The following ACTN1 variants were observed in gnomAD, a reference collection of about 807,000 sequenced individuals.
The protein encoded by ACTN1 is actinin alpha 1.
A neutral mutation model predicts 119.6 loss-of-function variants in ACTN1; 30 were observed. The observed-to-expected ratio is 0.25, with a 90% CI of 0.19 to 0.34. The LOEUF is 0.34. Among genes scored for constraint, ACTN1 ranks in the 10% least tolerant of loss-of-function variants. The probability of loss-of-function intolerance (pLI) is 1.00; values close to 1 mark genes in which losing one functional copy is unlikely to be tolerated. For missense variants in ACTN1, 764 were observed against 1,223.4 expected (o/e 0.62, Z 5.60); for synonymous variants, 429 against 472.6 (o/e 0.91, Z 1.20).
At chr14:68,964,354 C>T (rs1195224995) in intron 1 of ACTN1, among the ~76,000 whole-genome samples, 1 of 152,234 alleles carries the variant, frequency 6.6e-6, no homozygotes, top group African/African-American at 2.4e-5. Flanking sequence ...CTCAACACAG[C>T]ACGGGGACTT....
chr14:68,921,339 C>T, intron 2 of ACTN1: 1 of 500,320 alleles, frequency 2.0e-6, no homozygotes, highest in Non-Finnish European at 3.3e-6. Context: ...CTTCTTTCTT[C>T]TGCTTCTCAG....
At position 68,925,754 on chromosome 14, in the gene ACTN1, G is replaced by A. The variant is rs977268010; in HGVS notation, c.106-82C>T. The A allele has an allele frequency of 5.5e-6, 6 of 1,095,482 alleles. No individual in the cohort carries two copies. Among genetic ancestry groups the A allele is most frequent in the African/African-American group, 4.7e-5 (3 of 63,974 alleles). The allele number at this position is 1,095,482 out of a possible 1,614,324, so 67.9% of individuals were successfully genotyped here. ...GACAAGCCATTTAATGGTGCCAGGG[G>A]GTGGGAGGTGGACACCTACTCAGCA... On this transcript the variant is annotated intron_variant, in intron 1 of 21. Transcript: ENST00000394419. This position sits in a 1 kb window ranked among gnomAD's most constrained non-coding sequence, Gnocchi z 4.3.
intron 1 of ACTN1, 122 bp downstream of exon 1, chr14:68,978,830 C>T: frequency 1.7e-6 from 1 of 587,506 alleles, no homozygotes; most frequent in Non-Finnish European, 2.7e-6. Flanking sequence ...GCACCGCCCC[C>T]GCCCCCTCCC....
intron 7 of ACTN1, 58 bp downstream of exon 7, chr14:68,904,597 A>G (rs1383571877): frequency 6.5e-6 from 10 of 1,535,014 alleles, no homozygotes; most frequent in Non-Finnish European, 9.0e-6. Context: ...ACCCCTTCTT[A>G]GCCGCTGAGT....
chr14:68,882,589 G>T lies in ACTN1; in HGVS notation c.1822C>A (p.Arg608=). ...QEINGKWDHV[R]QLVPRRDQAL... ...TGGTCCCTCCGAGGCACCAGCTGCC[G>T]CACCTGGGGCAGGAACAACAAGGCG... The change falls in exon 16 of 22, where the codon CGG becomes AGG. Residue 608 remains arginine (R), a synonymous_variant. Transcript: ENST00000394419. This position sits in a 1 kb window ranked among gnomAD's most constrained non-coding sequence, Gnocchi z 4.5. The T allele has an allele frequency of 6.2e-7, 1 of 1,614,052 alleles. No homozygotes were observed. Among genetic ancestry groups the T allele is most frequent in the Non-Finnish European group, 8.5e-7 (1 of 1,179,970 alleles).
At chr14:68,928,681 A>G (rs2035051038) in intron 1 of ACTN1, among the ~76,000 whole-genome samples, 1 of 152,268 alleles carries the variant, frequency 6.6e-6, no homozygotes, top group Non-Finnish European at 1.5e-5. Context: ...AAAACTTGCC[A>G]TTTAGTAAGT....
chr14:68,948,194 C>T (rs148084495), intron 1 of ACTN1, among the ~76,000 whole-genome samples: 4 of 149,564 alleles, frequency 2.7e-5, no homozygotes, highest in African/African-American at 7.3e-5. Flanking sequence ...AGAGGCACAA[C>T]GGTGACAAAA....
chr14:68,916,113 T>G (rs2034278884), intron 3 of ACTN1, among the ~76,000 whole-genome samples: 1 of 152,218 alleles, frequency 6.6e-6, no homozygotes, highest in Non-Finnish European at 1.5e-5. Flanking sequence ...GAAAAGCAGG[T>G]AAAAAATTTC....
At chr14:68,914,479 A>T (rs4902670) in intron 3 of ACTN1, among the ~76,000 whole-genome samples, 2,995 of 152,318 alleles carry the variant, frequency 0.02, 107 homozygotes, top group African/African-American at 0.068. Flanking sequence ...TAAAAAACAA[A>T]GTTAGGCTGG....
rs1594755914 is a variant in ACTN1, at chr14:68,882,682, G to C, written c.1819-90C>G. The C allele has an allele frequency of 6.3e-7, 1 of 1,577,936 alleles. No individual in the cohort carries two copies. The highest frequency in any genetic ancestry group is 8.6e-7 in the Non-Finnish European group (1 of 1,157,274). ...GAAATGGAGGACCCAGAAGGGGAAG[G>C]GCCGGTCAGTAACAGAACAGGAGTA... is the stretch of plus-strand genomic sequence containing the variant. On this transcript the variant is annotated intron_variant, in intron 15 of 21. Coordinates refer to ENST00000394419, the MANE Select transcript of ACTN1 (RefSeq NM_001130004.2). This position sits in a 1 kb window ranked among gnomAD's most constrained non-coding sequence, Gnocchi z 4.5.
chr14:68,965,208 T>G (rs1006455902), intron 1 of ACTN1, among the ~76,000 whole-genome samples: 1 of 152,242 alleles, frequency 6.6e-6, no homozygotes, highest in African/African-American at 2.4e-5. Context: ...ACTATGGACC[T>G]CATCCCTTTA....
intron 1 of ACTN1, among the ~76,000 whole-genome samples, chr14:68,945,642 A>T (rs2035921080): frequency 6.6e-6 from 1 of 152,180 alleles, no homozygotes; most frequent in African/African-American, 2.4e-5. Context: ...AGGGAGAAGC[A>T]GGTGGATACA....
intron 11 of ACTN1, among the ~76,000 whole-genome samples, chr14:68,888,471 A>G (rs945085716): frequency 6.6e-6 from 1 of 152,142 alleles, no homozygotes; most frequent in Non-Finnish European, 1.5e-5. Context: ...CCATACACGC[A>G]CAGTGGATGT....
chr14:68,883,942 G>A (rs2031782028), intron 14 of ACTN1, among the ~76,000 whole-genome samples: 1 of 152,186 alleles, frequency 6.6e-6, no homozygotes, highest in Non-Finnish European at 1.5e-5. Flanking sequence ...GGGGCTGGAG[G>A]ATAAGGAGTC....
intron 3 of ACTN1, among the ~76,000 whole-genome samples, chr14:68,915,973 C>T (rs114922884): frequency 0.091 from 13,808 of 152,232 alleles, 927 homozygotes; most frequent in African/African-American, 0.14. Flanking sequence ...GAGATCGTGC[C>T]ACTGCACTCC....
chr14:68,876,956 G>A (rs966246414), intron 21 of ACTN1, 126 bp downstream of exon 21: 2 of 1,161,672 alleles, frequency 1.7e-6, no homozygotes, highest in Admixed American at 5.2e-5. Flanking sequence ...TGGCAAACAA[G>A]GAGAGGCCAA....
At chr14:68,897,905 C>T (rs541645595) in intron 8 of ACTN1, among the ~76,000 whole-genome samples, 1 of 152,402 alleles carries the variant, frequency 6.6e-6, no homozygotes, top group South Asian at 2.1e-4. Flanking sequence ...GCAGGCTCCG[C>T]CTGCATACCC....
chr14:68,970,622 G>A (rs544654000), intron 1 of ACTN1, among the ~76,000 whole-genome samples: 47 of 152,312 alleles, frequency 3.1e-4, no homozygotes, highest in African/African-American at 1.1e-3. Context: ...AGCAGGGGAA[G>A]CTAGCTCCCA....
At chr14:68,883,084 G>A (rs1382091767) in intron 14 of ACTN1, 29 bp from the exon 15 acceptor site, 5 of 1,609,294 alleles carry the variant, frequency 3.1e-6, no homozygotes, top group African/African-American at 2.7e-5. Context: ...ATGTGGGCAA[G>A]AGGAACAAAG....
Sources: allele counts gnomAD v4.1 joint callset (sites outside exome capture counted in the v4.1 genomes callset), GRCh38; gene constraint gnomAD v4.1.1; non-coding constraint Gnocchi (gnomAD v3.1); transcripts MANE v1.5; gene names NCBI Gene and HGNC (gene_info 2026-07-23, HGNC 2026-07-21).